Variants in DZIP1L observed in about 807,000 individuals in gnomAD.
DZIP1L encodes the protein DAZ interacting zinc finger protein 1 like.
DZIP1L carries 90 observed loss-of-function variants against 88.7 expected under a neutral mutation model. That is an observed-to-expected ratio of 1.02 (90% CI 0.86 to 1.21). The LOEUF (loss-of-function observed/expected upper bound fraction) is 1.21, where lower values mean the gene tolerates loss of function less well. Ranked by LOEUF, DZIP1L falls within the 50% of genes most tolerant of loss-of-function variation. DZIP1L has a pLI of 0.00. For synonymous variants in DZIP1L, 363 were observed against 372.1 expected (o/e 0.98, Z 0.28); for missense variants, 932 against 955.8 (o/e 0.98, Z 0.33).
chr3:138,086,018 A>G (rs1420072523), intron 7 of DZIP1L, among the ~76,000 whole-genome samples: 1 of 152,046 alleles, frequency 6.6e-6, no homozygotes, highest in East Asian at 1.9e-4. Context: ...CAAAAAACCA[A>G]ACACCGCATG....
chr3:138,113,182 C>G (rs1204084246), intron 1 of DZIP1L, among the ~76,000 whole-genome samples: 1 of 152,160 alleles, frequency 6.6e-6, no homozygotes, highest in Non-Finnish European at 1.5e-5. Flanking sequence ...CATCTACCAC[C>G]CTTGCTTTGC....
At position 138,071,723 on chromosome 3, in the gene DZIP1L, A is replaced by G. The variant is rs1943188414; in HGVS notation, c.1535T>C (p.Leu512Pro). The change falls in exon 12 of 16, where the codon CTT becomes CCT. Residue 512 changes from leucine (L) to proline (P), a missense_variant. By Grantham distance (98) the Leu-to-Pro change is moderately conservative. Transcript: ENST00000327532. ...CGCTCTGCTGGTGACTTCCTTGACA[A>G]GCTTTCCCCTCAGACTCAGAAATTC... ...FSEFLSLRGK[L>P]VKEVTSRAKE... 3 of 1,614,182 alleles carry G rather than the reference A, an allele frequency of 1.9e-6. No homozygotes were observed. The East Asian group carries it at 6.7e-5, about 36-fold the overall frequency.
intron 5 of DZIP1L, among the ~76,000 whole-genome samples, chr3:138,092,176 AG>A (rs1311651112): frequency 6.9e-6 from 1 of 144,770 alleles, no homozygotes; most frequent in East Asian, 2.0e-4. Context: ...AACTCATTCA[AG>A]GTCTCACAGC....
At chr3:138,068,468 T>A in intron 12 of DZIP1L, 101 bp from the exon 13 acceptor site, 1 of 836,354 alleles carries the variant, frequency 1.2e-6, no homozygotes, top group Non-Finnish European at 1.7e-6. Flanking sequence ...AATGAACAAT[T>A]ACTCCCTCTC....
chr3:138,087,726 T>C (rs992674567), intron 6 of DZIP1L, among the ~76,000 whole-genome samples: 1 of 152,212 alleles, frequency 6.6e-6, no homozygotes, highest in Middle Eastern at 3.2e-3. Flanking sequence ...CTCAAGAATC[T>C]TGGACAGCAG....
intron 11 of DZIP1L, among the ~76,000 whole-genome samples, chr3:138,075,076 T>TA (rs1943342562): frequency 1.3e-5 from 2 of 152,278 alleles, no homozygotes; most frequent in Non-Finnish European, 2.9e-5. Context: ...TACATAATGA[T>TA]AAAAGGACTA....
chr3:138,077,590 G>C lies in DZIP1L; in HGVS notation c.1331C>G (p.Ala444Gly). Residue 444 changes from alanine to glycine, a missense_variant, in exon 11 of 16, where the codon GCT becomes GGT. By Grantham distance (60) the Ala-to-Gly change is moderately conservative. Transcript: ENST00000327532. ...SQDEQHKVLA[A>G]LRRNPTLLKH... The stretch of plus-strand genomic sequence containing the variant: ...CAGCAAAGTGGGGTTACGCCTCAGA[G>C]CTGCCAGCACCTTGTGCTGTTCATC... The C allele has an allele frequency of 6.2e-7, 1 of 1,614,184 alleles. No homozygotes were observed. Among genetic ancestry groups the C allele is most frequent in the East Asian group, 2.2e-5 (1 of 44,882 alleles).
chr3:138,078,213 T>A lies in DZIP1L; in HGVS notation c.1289-581A>T, dbSNP rs567019963. Among the ~76,000 whole-genome samples, 3 of 152,300 alleles carry A rather than the reference T, an allele frequency of 2.0e-5. No individual in the cohort carries two copies. In the East Asian group the frequency reaches 5.8e-4, roughly 29 times the overall value. On this transcript the variant is annotated intron_variant, in intron 10 of 15. Coordinates refer to ENST00000327532, the MANE Select transcript of DZIP1L (RefSeq NM_173543.3). Reference sequence around the variant, plus strand: ...TGTGGTAAGTGCTACAAAGGAGCAGTCCAAGGTGAGTCAGGGAAGGCCTCC... The same window carrying A: ...TGTGGTAAGTGCTACAAAGGAGCAGACCAAGGTGAGTCAGGGAAGGCCTCC...
intron 1 of DZIP1L, chr3:138,108,115 C>T (rs1246152850): frequency 1.3e-6 from 1 of 770,768 alleles, no homozygotes; most frequent in Non-Finnish European, 1.6e-6. Flanking sequence ...TCCCAAGTAG[C>T]TGGGACTACA....
intron 2 of DZIP1L, among the ~76,000 whole-genome samples, chr3:138,100,730 C>A (rs1193171676): frequency 6.6e-6 from 1 of 152,172 alleles, no homozygotes; most frequent in Non-Finnish European, 1.5e-5. Context: ...AAATAGGTAA[C>A]CCATCCATCC....
chr3:138,068,695 C>T (rs1943029543), intron 12 of DZIP1L, among the ~76,000 whole-genome samples: 1 of 152,108 alleles, frequency 6.6e-6, no homozygotes, highest in South Asian at 2.1e-4. Context: ...AAGGCTGCTA[C>T]CCTCTCCCCA....
chr3:138,092,655 G>A lies in DZIP1L; in HGVS notation c.709-111C>T, dbSNP rs1467555028. On this transcript the variant is annotated intron_variant, in intron 4 of 15. Transcript: ENST00000327532. Reference sequence around the variant, plus strand: ...ATGCAAGTCACTATGGAGACCCAAAGAGCATTCATCCCACAGTTCCCATTG... The same window carrying A: ...ATGCAAGTCACTATGGAGACCCAAAAAGCATTCATCCCACAGTTCCCATTG... 6.4e-6 allele frequency: 7 copies of A among 1,092,890 alleles called. No individual in the cohort carries two copies. In the Admixed American group the frequency reaches 2.3e-4, roughly 35 times the overall value. 67.7% of individuals were successfully genotyped at this position (1,092,890 alleles called of 1,614,324 possible).
chr3:138,101,786 C>T, intron 2 of DZIP1L: 1 of 1,139,224 alleles, frequency 8.8e-7, no homozygotes, highest in East Asian at 2.3e-5. Context: ...ATGTCCAGGG[C>T]CAGCTTGACA....
intron 14 of DZIP1L, among the ~76,000 whole-genome samples, chr3:138,065,305 C>A (rs944958684): frequency 6.6e-6 from 1 of 152,230 alleles, no homozygotes; most frequent in Non-Finnish European, 1.5e-5. Flanking sequence ...AGGAAGCTAA[C>A]TACAGCCTTC....
intron 7 of DZIP1L, among the ~76,000 whole-genome samples, chr3:138,084,755 T>C (rs1054701780): frequency 1.3e-5 from 2 of 152,218 alleles, no homozygotes; most frequent in African/African-American, 4.8e-5. Context: ...TATCTTAATA[T>C]ATTTCTCCTG....
At chr3:138,085,274 A>G (rs1166211784) in intron 7 of DZIP1L, among the ~76,000 whole-genome samples, 1 of 152,198 alleles carries the variant, frequency 6.6e-6, no homozygotes, top group Non-Finnish European at 1.5e-5. Flanking sequence ...ATTAAACTCA[A>G]GAGCTTCTGC....
At chr3:138,101,768 C>G (rs949766040) in intron 2 of DZIP1L, 7 of 1,049,780 alleles carry the variant, frequency 6.7e-6, no homozygotes, top group Non-Finnish European at 1.0e-5. Flanking sequence ...CTATAGGTGG[C>G]GATCTTGATG....
intron 15 of DZIP1L, chr3:138,064,258 T>C (rs1942794300): frequency 3.5e-6 from 3 of 848,190 alleles, no homozygotes; most frequent in South Asian, 1.8e-5. Flanking sequence ...TTAGGGTCCA[T>C]GGCAGAGTGA....
chr3:138,067,964 T>C (rs1034271141), intron 13 of DZIP1L, among the ~76,000 whole-genome samples, 187 bp downstream of exon 13: 1 of 152,086 alleles, frequency 6.6e-6, no homozygotes, highest in Non-Finnish European at 1.5e-5. Context: ...GAGGGTGGGT[T>C]TGTCTTGGCT....
Sources: allele counts gnomAD v4.1 joint callset (sites outside exome capture counted in the v4.1 genomes callset), GRCh38; gene constraint gnomAD v4.1.1; transcripts MANE v1.5; gene names NCBI Gene and HGNC (gene_info 2026-07-23, HGNC 2026-07-21).